Variants in NFATC1 observed in about 807,000 individuals in gnomAD.
NFATC1 encodes nuclear factor of activated T cells 1.
NFATC1 carries 22 observed loss-of-function variants against 76.0 expected under a neutral mutation model. The observed-to-expected ratio is 0.29, with a 90% CI of 0.21 to 0.41. The LOEUF is 0.41. Among genes scored for constraint, NFATC1 ranks in the 10% least tolerant of loss-of-function variants. The pLI, the probability that NFATC1 is intolerant of heterozygous loss-of-function variation, is 1.00. For missense variants in NFATC1, 1,357 were observed against 1,337.7 expected, an observed-to-expected ratio of 1.01 and a Z score of -0.23; for synonymous variants, 704 against 613.1, an observed-to-expected ratio of 1.15 and a Z score of -2.19.
chr18:79,503,687 C>T (rs896800802), intron 9 of NFATC1, among the ~76,000 whole-genome samples: 3 of 152,192 alleles, frequency 2.0e-5, no homozygotes, highest in Admixed American at 2.0e-4. Flanking sequence ...AGGGGGTCAG[C>T]CTGTCCTTGG....
chr18:79,467,215 G>A (rs1232878960), intron 7 of NFATC1, among the ~76,000 whole-genome samples: 1 of 152,258 alleles, frequency 6.6e-6, no homozygotes, highest in East Asian at 1.9e-4. Flanking sequence ...GTGGCACAGA[G>A]CATCCAGGGC....
At chr18:79,415,574 G>A (rs1040266901) in intron 2 of NFATC1, among the ~76,000 whole-genome samples, 4 of 151,932 alleles carry the variant, frequency 2.6e-5, no homozygotes, top group Admixed American at 1.3e-4. Context: ...GAGCCACCGC[G>A]CCCAGCCCTT....
At chr18:79,447,233 C>T (rs2087246400) in intron 3 of NFATC1, among the ~76,000 whole-genome samples, 1 of 152,260 alleles carries the variant, frequency 6.6e-6, no homozygotes, top group Non-Finnish European at 1.5e-5. Context: ...CCTCTAGCCC[C>T]ATCTTCCCTC....
At chr18:79,407,796 G>A (rs376854918) in intron 1 of NFATC1, among the ~76,000 whole-genome samples, 12 of 152,310 alleles carry the variant, frequency 7.9e-5, no homozygotes, top group African/African-American at 1.4e-4. Context: ...AGGAGACTGC[G>A]TGGCTCCCGT....
intron 9 of NFATC1, among the ~76,000 whole-genome samples, chr18:79,494,738 C>T (rs1291559041): frequency 5.2e-5 from 4 of 76,788 alleles, no homozygotes; most frequent in South Asian, 6.1e-4. Flanking sequence ...AGCGGGCACA[C>T]GCCCCCCATC....
intron 2 of NFATC1, among the ~76,000 whole-genome samples, chr18:79,423,074 C>T (rs912040269): frequency 1.3e-5 from 2 of 151,130 alleles, no homozygotes; most frequent in African/African-American, 2.4e-5. Flanking sequence ...GTGAGGCTCA[C>T]GAGATACAGG....
intron 9 of NFATC1, among the ~76,000 whole-genome samples, chr18:79,487,889 G>A (rs957371913): frequency 1.3e-5 from 2 of 152,178 alleles, no homozygotes; most frequent in Admixed American, 6.5e-5. Flanking sequence ...TTTTCTGCTC[G>A]AATGGTTTGT....
At chr18:79,400,248 A>T (rs1239228777) in intron 1 of NFATC1, 4 of 1,165,538 alleles carry the variant, frequency 3.4e-6, no homozygotes, top group Non-Finnish European at 3.2e-6. Flanking sequence ...TAAACCCGGA[A>T]ACGCCCCGGG....
In NFATC1 at chr18:79,464,602, G is replaced by GAC. The variant is rs57175022; in HGVS notation, c.1960-2832_1960-2831dup. ...GCTGCTGTGTGTGGATGTTCACGCA[G>GAC]ACACACACACACACACAGAGTACAT... On this transcript the variant is annotated intron_variant, in intron 7 of 9. Coordinates refer to ENST00000427363, the MANE Select transcript of NFATC1 (RefSeq NM_001278669.2). 8.4e-4 allele frequency among the ~76,000 whole-genome samples: 120 copies of GAC among 142,972 alleles called. 1 individual carries two copies. The Middle Eastern group carries it at 0.011, about 13-fold the overall frequency. 93.8% of individuals were successfully genotyped at this position (142,972 alleles called of 152,430 possible).
In NFATC1 at chr18:79,448,828, T is replaced by C. The variant is rs1482836683; in HGVS notation, c.1433T>C (p.Ile478Thr). 1.1e-5 allele frequency: 17 copies of C among 1,613,938 alleles called. No individual in the cohort carries two copies. Among genetic ancestry groups the C allele is most frequent in the Non-Finnish European group, 1.1e-5 (13 of 1,180,028 alleles). The change falls in exon 4 of 10, where the codon ATT (isoleucine) becomes ACT (threonine). Residue 478 changes from isoleucine to threonine, a missense_variant. Physicochemically the swap from Ile to Thr is moderately conservative, Grantham distance 89. This residue lies in a region of NFATC1 where 242 missense variants were observed against 329.2 expected (regional missense o/e 0.74). Transcript: ENST00000427363. ...GAGCCGCTGATGCTGCAGCTTTTCA[T>C]TGGGACGGCGGACGACCGCCTGCTG... ...ENEPLMLQLF[I>T]GTADDRLLRP...
At chr18:79,466,473 C>T (rs1445420547) in intron 7 of NFATC1, among the ~76,000 whole-genome samples, 4 of 152,190 alleles carry the variant, frequency 2.6e-5, no homozygotes, top group East Asian at 1.9e-4. Context: ...GGCCTGAGCA[C>T]GCGGTTGGGG....
chr18:79,444,843 C>T (rs1181723568), intron 3 of NFATC1, among the ~76,000 whole-genome samples: 3 of 152,244 alleles, frequency 2.0e-5, no homozygotes, highest in African/African-American at 7.2e-5. Flanking sequence ...CCCACACTCA[C>T]GGAGGCTTCT....
chr18:79,491,028 C>T (rs2145086851), intron 9 of NFATC1, among the ~76,000 whole-genome samples: 2 of 152,076 alleles, frequency 1.3e-5, no homozygotes, highest in Non-Finnish European at 2.9e-5. Flanking sequence ...ATGGGGACAG[C>T]GGGAGAGGGA....
At chr18:79,419,549 G>A (rs541328807) in intron 2 of NFATC1, among the ~76,000 whole-genome samples, 3 of 145,396 alleles carry the variant, frequency 2.1e-5, no homozygotes, top group Non-Finnish European at 1.6e-5. Context: ...GCCTGCCCGG[G>A]AGCCCCCCTA....
In NFATC1 at chr18:79,441,498, G is replaced by A. The variant is rs116609776; in HGVS notation, c.1387-7284G>A. 5.0e-3 allele frequency among the ~76,000 whole-genome samples: 767 copies of A among 152,214 alleles called. 9 individuals are homozygous for A. Among genetic ancestry groups the A allele is most frequent in the African/African-American group, 0.017 (718 of 41,524 alleles). On this transcript the variant is annotated intron_variant, in intron 3 of 9. Coordinates refer to ENST00000427363, the MANE Select transcript of NFATC1 (RefSeq NM_001278669.2). ...GCAGGATGAACAGGGGCTGCTTGCC[G>A]GTCCTCAGGCCACCCTGCCAGCTCC...
intron 6 of NFATC1, among the ~76,000 whole-genome samples, chr18:79,460,243 A>T (rs2087991440): frequency 6.6e-6 from 1 of 152,260 alleles, no homozygotes; most frequent in African/African-American, 2.4e-5. Context: ...TTTATCAGTA[A>T]TTGAGGGTTT....
chr18:79,456,686 G>T (rs2087746432), intron 6 of NFATC1, among the ~76,000 whole-genome samples: 1 of 152,216 alleles, frequency 6.6e-6, no homozygotes, highest in African/African-American at 2.4e-5. Context: ...TCTCGGCCTG[G>T]GGCAGAGGAG....
chr18:79,416,479 C>G (rs888052340), intron 2 of NFATC1, among the ~76,000 whole-genome samples: 1 of 152,150 alleles, frequency 6.6e-6, no homozygotes, highest in African/African-American at 2.4e-5. Context: ...CCAGACTGTC[C>G]GCGGGCGCTG....
At chr18:79,509,252 G>A (rs1365271892) in intron 9 of NFATC1, among the ~76,000 whole-genome samples, 1 of 152,216 alleles carries the variant, frequency 6.6e-6, no homozygotes, top group African/African-American at 2.4e-5. Context: ...CTGCCTTCAA[G>A]GCGGAGCTTT....
Sources: allele counts gnomAD v4.1 joint callset (sites outside exome capture counted in the v4.1 genomes callset), GRCh38; gene constraint gnomAD v4.1.1; regional missense constraint gnomAD v4.1.1; transcripts MANE v1.5; gene names NCBI Gene and HGNC (gene_info 2026-07-23, HGNC 2026-07-21).